PITPNB: variants seen among roughly 807,000 people sequenced by gnomAD.
The protein encoded by PITPNB is phosphatidylinositol transfer protein beta, also known as phosphatidylinositol transfer protein beta isoform.
Under a neutral mutation model 45.9 loss-of-function variants are expected in PITPNB, and 16 were observed. The observed-to-expected ratio is 0.35, with a 90% CI of 0.24 to 0.53. The LOEUF is 0.53. PITPNB is among the 20% of genes least tolerant of loss of function. The pLI is 0.93. For synonymous variants in PITPNB, 112 were observed against 108.9 expected (o/e 1.03, Z -0.18); for missense variants, 188 against 330.5 (o/e 0.57, Z 3.34).
At chr22:27,902,348 G>A (rs2143180) in intron 3 of PITPNB, among the ~76,000 whole-genome samples, 15,764 of 152,034 alleles carry the variant, frequency 0.1, 935 homozygotes, top group South Asian at 0.25. Flanking sequence ...ATGGAGAGAG[G>A]GCAGAAAGAC....
chr22:27,855,850 A>G (rs1934157878), intron 10 of PITPNB, among the ~76,000 whole-genome samples: 1 of 152,182 alleles, frequency 6.6e-6, no homozygotes, highest in Non-Finnish European at 1.5e-5. Context: ...ATTAAAATCT[A>G]TCATCAGGTG....
chr22:27,912,980 C>A (rs1485038347), intron 2 of PITPNB, among the ~76,000 whole-genome samples: 2 of 100,588 alleles, frequency 2.0e-5, no homozygotes, highest in African/African-American at 8.1e-5. Context: ...AAGACTCCAT[C>A]TCCAAAAAAA....
chr22:27,870,758 G>C (rs936332637), intron 8 of PITPNB, among the ~76,000 whole-genome samples: 9 of 152,270 alleles, frequency 5.9e-5, no homozygotes, highest in African/African-American at 2.2e-4. Context: ...GAAGACACTG[G>C]TAAGATCAAG....
At chr22:27,912,753 A>G (rs1163158223) in intron 2 of PITPNB, among the ~76,000 whole-genome samples, 5 of 152,044 alleles carry the variant, frequency 3.3e-5, no homozygotes, top group Non-Finnish European at 7.4e-5. Flanking sequence ...AGGCTGAGGC[A>G]GGTGGATCAC....
At chr22:27,899,765 C>CA (rs1935540962) in intron 3 of PITPNB, among the ~76,000 whole-genome samples, 1 of 152,132 alleles carries the variant, frequency 6.6e-6, no homozygotes, top group African/African-American at 2.4e-5. Flanking sequence ...GAACTAGAAC[C>CA]AAAATCCCTT....
At chr22:27,856,675 G>A (rs1326904671) in intron 10 of PITPNB, among the ~76,000 whole-genome samples, 3 of 152,214 alleles carry the variant, frequency 2.0e-5, no homozygotes, top group Admixed American at 6.5e-5. Flanking sequence ...TCTTTCCCAA[G>A]GGTTTGAGCT....
chr22:27,888,712 C>G (rs1935192929), intron 7 of PITPNB, among the ~76,000 whole-genome samples: 1 of 152,210 alleles, frequency 6.6e-6, no homozygotes, highest in African/African-American at 2.4e-5. Context: ...TGAAAGAAAT[C>G]TCCCTGGAGG....
chr22:27,910,934 T>A (rs546771802), intron 3 of PITPNB, 30 bp downstream of exon 3: 1 of 1,586,796 alleles, frequency 6.3e-7, no homozygotes. Context: ...GCCAGGTAGT[T>A]ACAAGGCGTC....
intron 3 of PITPNB, among the ~76,000 whole-genome samples, chr22:27,902,557 G>C (rs1405594070): frequency 2.0e-5 from 3 of 152,060 alleles, no homozygotes; most frequent in African/African-American, 7.3e-5. Flanking sequence ...ACTCAAAATG[G>C]ATAAAGACTT....
intron 8 of PITPNB, among the ~76,000 whole-genome samples, chr22:27,867,620 G>T (rs12168796): frequency 0.043 from 6,570 of 152,136 alleles, 238 homozygotes; most frequent in African/African-American, 0.092. Context: ...CATGCTTGTG[G>T]GTGATTACTC....
In PITPNB at chr22:27,910,889, TAGTTA is replaced by T. The variant is rs1935900565; in HGVS notation, c.197+70_197+74del. On this transcript the variant is annotated intron_variant, in intron 3 of 11. Coordinates refer to ENST00000335272, the MANE Select transcript of PITPNB (RefSeq NM_012399.5). ...AATTAAAAATGTACTTCACATCTAC[TAGTTA>T]AGTTAGCTAGTTACATGCATCATAA... 4 of 981,790 alleles carry T rather than the reference TAGTTA, an allele frequency of 4.1e-6. No individual in the cohort carries two copies. In the Admixed American group the frequency reaches 7.5e-5, roughly 19 times the overall value. 60.8% of individuals were successfully genotyped at this position (981,790 alleles called of 1,614,324 possible). A position where few individuals can be genotyped will look rare whatever the true frequency, so the allele number is the denominator to read the frequency against.
At chr22:27,913,300 T>C (rs533914424) in intron 2 of PITPNB, among the ~76,000 whole-genome samples, 2 of 152,334 alleles carry the variant, frequency 1.3e-5, no homozygotes, top group East Asian at 3.9e-4. Flanking sequence ...CCTGCATTTC[T>C]TTCTGTCTTC....
At chr22:27,855,019 A>G (rs1371635197) in intron 10 of PITPNB, 80 bp from the exon 11 acceptor site, 1 of 958,742 alleles carries the variant, frequency 1.0e-6, no homozygotes, top group Non-Finnish European at 1.7e-6. Context: ...AAAAAGATCT[A>G]GAAGAGATTA....
rs530081748 is a variant in PITPNB at position 27,865,148 on chromosome 22, A to G, written c.535-4907T>C. Among the ~76,000 whole-genome samples the G allele has an allele frequency of 2.0e-5, 3 of 152,326 alleles. 1 individual carries two copies. The highest frequency in any genetic ancestry group is 6.8e-3 in the Middle Eastern group (2 of 294). On this transcript the variant is annotated intron_variant, in intron 8 of 11. Coordinates refer to ENST00000335272, the MANE Select transcript of PITPNB (RefSeq NM_012399.5). ...TTTCTTTTGTGTACAATTATTTTCA[A>G]AGTTATCATTTAAAAATTTAAAAAA...
intron 7 of PITPNB, among the ~76,000 whole-genome samples, chr22:27,892,818 G>A (rs1935318248): frequency 7.9e-5 from 12 of 152,084 alleles, no homozygotes; most frequent in Admixed American, 7.9e-4. Flanking sequence ...AGAACTTCTA[G>A]AACAAAAGTC....
rs1936189908 is a variant in PITPNB, at chr22:27,919,045, G to T, written c.20+127C>A. The T allele has an allele frequency of 4.8e-6, 7 of 1,447,700 alleles. No homozygotes were observed. In the Middle Eastern group the frequency reaches 5.3e-4, roughly 109 times the overall value. The allele number at this position is 1,447,700 out of a possible 1,614,324, so 89.7% of individuals were successfully genotyped here. ...GCTTCGAAGGGGCCGGGGGAGGGAG[G>T]GGGCGCCCGCAGGGAGGGGCTGACA... On this transcript the variant is annotated intron_variant, in intron 1 of 11. Coordinates refer to ENST00000335272, the MANE Select transcript of PITPNB (RefSeq NM_012399.5).
chr22:27,861,458 G>A (rs1038453239), intron 8 of PITPNB, among the ~76,000 whole-genome samples: 1 of 152,130 alleles, frequency 6.6e-6, no homozygotes, highest in Non-Finnish European at 1.5e-5. Flanking sequence ...GGAGTGAGTG[G>A]GTGTGAACCA....
chr22:27,886,299 A>G lies in PITPNB; in HGVS notation c.456+8256T>C, dbSNP rs371477714. On this transcript the variant is annotated intron_variant, in intron 7 of 11. Coordinates refer to ENST00000335272, the MANE Select transcript of PITPNB (RefSeq NM_012399.5). ...ATGTAGCTTCTAGAAAATTACAGAG[A>G]ACAGTGGCTAAAGCAATAGTCATAT... Among the ~76,000 whole-genome samples the G allele has an allele frequency of 3.9e-4, 59 of 152,298 alleles. 1 individual carries two copies. In the East Asian group the frequency reaches 0.01, roughly 26 times the overall value.
At chr22:27,903,766 AC>A (rs1356895700) in intron 3 of PITPNB, among the ~76,000 whole-genome samples, 1 of 130,672 alleles carries the variant, frequency 7.7e-6, no homozygotes. Flanking sequence ...ACATAGTGAG[AC>A]CCTGTCTCCC....
Sources: gnomAD v4.1 joint callset for allele counts (sites outside exome capture counted in the v4.1 genomes callset) on GRCh38, gnomAD v4.1.1 for gene constraint, MANE v1.5 for transcripts, NCBI Gene and HGNC (gene_info 2026-07-23, HGNC 2026-07-21) for gene names.